The following PRSS12 variants were observed in gnomAD, a reference collection of about 807,000 sequenced individuals.
The protein encoded by PRSS12 is serine protease 12.
In PRSS12, 85 loss-of-function variants were observed where a neutral mutation model predicts 104.4. That is an observed-to-expected ratio of 0.81 (90% CI 0.68 to 0.98). The LOEUF is 0.98. PRSS12 is among the 50% of genes least tolerant of loss of function. The pLI is 0.00. For synonymous variants in PRSS12, 454 were observed against 425.2 expected, an observed-to-expected ratio of 1.07 and a Z score of -0.83; for missense variants, 1,141 against 1,139.2, an observed-to-expected ratio of 1.00 and a Z score of -0.02.
In PRSS12 at chr4:118,282,908, G is replaced by A; in HGVS notation, c.2243C>T (p.Pro748Leu). 1 of 1,614,192 alleles carries A rather than the reference G, an allele frequency of 6.2e-7. No individual in the cohort carries two copies. The highest frequency in any genetic ancestry group is 8.5e-7 in the Non-Finnish European group (1 of 1,180,044). The change falls in exon 12 of 13, where the codon CCA becomes CTA. Residue 748 changes from proline (P) to leucine (L), a missense_variant. Pro to Leu is a moderately conservative substitution (Grantham distance 98). Transcript: ENST00000296498. ...QCARFSSHVL[P>L]ACLPLWRERP... The stretch of plus-strand genomic sequence containing the variant: ...CTCTCTCCAGAGTGGTAAACAGGCT[G>A]GCAAAACATGGCTGCTGAATCTGGC...
intron 3 of PRSS12, 142 bp from the exon 4 acceptor site, chr4:118,332,008 T>C (rs1349213769): frequency 4.1e-6 from 4 of 969,014 alleles, no homozygotes; most frequent in East Asian, 2.7e-5. Context: ...CATACGTATA[T>C]ATATCTAATA....
At chr4:118,306,741 A>G (rs1743564337) in intron 8 of PRSS12, among the ~76,000 whole-genome samples, 2 of 152,204 alleles carry the variant, frequency 1.3e-5, no homozygotes, top group Non-Finnish European at 2.9e-5. Flanking sequence ...AACTATATCA[A>G]TGATGATAAA....
At chr4:118,293,408 A>C (rs990874099) in intron 11 of PRSS12, among the ~76,000 whole-genome samples, 6 of 152,148 alleles carry the variant, frequency 3.9e-5, no homozygotes, top group Non-Finnish European at 8.8e-5. Flanking sequence ...AAGAAATACA[A>C]AGCTTTTGTA....
At chr4:118,286,375 G>A (rs145001764) in intron 11 of PRSS12, among the ~76,000 whole-genome samples, 3,113 of 152,252 alleles carry the variant, frequency 0.02, 40 homozygotes, top group South Asian at 0.034. Flanking sequence ...TCCAAACTAT[G>A]TGCAATGTTG....
intron 5 of PRSS12, 102 bp from the exon 6 acceptor site, chr4:118,316,425 C>T (rs1723414887): frequency 7.0e-7 from 1 of 1,425,834 alleles, no homozygotes; most frequent in Admixed American, 1.8e-5. Context: ...TCAGGCCTCA[C>T]TCTAGGCCTT....
chr4:118,352,263 T>C lies in PRSS12; in HGVS notation c.458A>G (p.Asp153Gly), dbSNP rs780510974. 2 of 1,611,386 alleles carry C rather than the reference T, an allele frequency of 1.2e-6. No individual in the cohort carries two copies. The highest frequency in any genetic ancestry group is 2.2e-5 in the South Asian group (2 of 90,714). ...GCCCCAGTCCACCTTGCCACGGGCG[T>C]CTCCGTAGAAACACCAGGGTCTGCC... The part of the protein sequence containing the change: ...GAGRPWCFYG[D>G]ARGKVDWGYC... The change falls in exon 1 of 13, where the codon GAC becomes GGC. Residue 153 changes from aspartate to glycine, a missense_variant. Physicochemically the swap from Asp to Gly is moderately conservative, Grantham distance 94. Transcript: ENST00000296498.
chr4:118,328,255 T>C (rs1322544390), intron 4 of PRSS12, among the ~76,000 whole-genome samples: 1 of 152,252 alleles, frequency 6.6e-6, no homozygotes, highest in East Asian at 1.9e-4. Flanking sequence ...GCTCAGAGCA[T>C]CAGAGTACTT....
At chr4:118,284,141 A>G (rs1190606443) in intron 11 of PRSS12, among the ~76,000 whole-genome samples, 1 of 152,130 alleles carries the variant, frequency 6.6e-6, no homozygotes, top group Non-Finnish European at 1.5e-5. Flanking sequence ...CCAGGTAATT[A>G]TCTGTTGTGA....
Position 118,290,121 on chromosome 4 carries a change from G to T in PRSS12, c.2039+4818C>A, listed in dbSNP as rs550789518. On this transcript the variant is annotated intron_variant, in intron 11 of 12. Coordinates refer to ENST00000296498, the MANE Select transcript of PRSS12 (RefSeq NM_003619.4). ...CCAAGTCATACAGTAGACACTTGGTGTATAAACACAAATGAGAAATGAGAC... is the reference window on the plus strand; with the variant it reads ...CCAAGTCATACAGTAGACACTTGGTTTATAAACACAAATGAGAAATGAGAC... Among the ~76,000 whole-genome samples, 5 of 152,258 alleles carry T rather than the reference G, an allele frequency of 3.3e-5. No individual in the cohort carries two copies. In the South Asian group the frequency reaches 1.0e-3, roughly 32 times the overall value.
At chr4:118,324,966 C>T (rs1723731377) in intron 4 of PRSS12, among the ~76,000 whole-genome samples, 1 of 152,068 alleles carries the variant, frequency 6.6e-6, no homozygotes. Flanking sequence ...GCCTCAGCCT[C>T]CCAAAGGATT....
At chr4:118,340,896 G>A (rs1724189500) in intron 1 of PRSS12, among the ~76,000 whole-genome samples, 1 of 152,230 alleles carries the variant, frequency 6.6e-6, no homozygotes, top group Non-Finnish European at 1.5e-5. Flanking sequence ...GGGAAACCCA[G>A]TAAGGCTTAT....
In PRSS12 at chr4:118,282,865, T is replaced by C. The variant is rs1340164897; in HGVS notation, c.2286A>G (p.Ala762=). 6.2e-7 allele frequency: 1 copy of C among 1,614,218 alleles called. No homozygotes were observed. Residue 762 remains alanine (A), a synonymous_variant, in exon 12 of 13, where the codon GCA becomes GCG. Coordinates refer to ENST00000296498, the MANE Select transcript of PRSS12 (RefSeq NM_003619.4). ...CCCATCCTGTTATGTAACAGTTGGA[T>C]GCTGTTTTCTGTGGCCTCTCTCTCC... ...PLWRERPQKT[A]SNCYITGWGD...
chr4:118,304,688 C>A (rs1743496312), intron 8 of PRSS12, among the ~76,000 whole-genome samples: 1 of 152,018 alleles, frequency 6.6e-6, no homozygotes, highest in African/African-American at 2.4e-5. Context: ...GATCTCAACA[C>A]ATTCTCTATC....
intron 4 of PRSS12, among the ~76,000 whole-genome samples, chr4:118,322,820 A>C (rs1723669563): frequency 2.0e-5 from 3 of 151,950 alleles, no homozygotes; most frequent in Admixed American, 1.3e-4. Flanking sequence ...CCTAGAGGAG[A>C]GGTCAGCAAA....
intron 2 of PRSS12, among the ~76,000 whole-genome samples, chr4:118,336,042 C>T (rs1724056940): frequency 6.6e-6 from 1 of 152,140 alleles, no homozygotes; most frequent in Non-Finnish European, 1.5e-5. Context: ...GCAAGTAACT[C>T]GAAGGCTTTG....
rs200327301 is a variant in PRSS12 at position 118,299,808 on chromosome 4, TAAATAAAATA to T, written c.1632-880_1632-871del. ...ATAAAATAAAATAAATAAAATAAAA[TAAATAAAATA>T]AAATAAAATAAAATAAAATAAAATA... On this transcript the variant is annotated intron_variant, in intron 8 of 12. Transcript: ENST00000296498. Among the ~76,000 whole-genome samples, 531 of 91,586 alleles carry T rather than the reference TAAATAAAATA, an allele frequency of 5.8e-3. 12 individuals carry two copies. The East Asian group carries it at 0.083, about 14-fold the overall frequency. The allele number at this position is 91,586 out of a possible 152,430, so 60.1% of individuals were successfully genotyped here. A position where few individuals can be genotyped will look rare whatever the true frequency, so the allele number is the denominator to read the frequency against.
At chr4:118,294,687 G>C (rs1178488853) in intron 11 of PRSS12, among the ~76,000 whole-genome samples, 1 of 151,940 alleles carries the variant, frequency 6.6e-6, no homozygotes, top group Non-Finnish European at 1.5e-5. Flanking sequence ...TGACATTGCT[G>C]CCTCCTCTCC....
At chr4:118,328,736 A>T (rs1723844683) in intron 4 of PRSS12, among the ~76,000 whole-genome samples, 1 of 152,104 alleles carries the variant, frequency 6.6e-6, no homozygotes, top group South Asian at 2.1e-4. Flanking sequence ...TAATTTTCCC[A>T]CTTCAGCCTT....
intron 11 of PRSS12, among the ~76,000 whole-genome samples, chr4:118,290,665 AT>A (rs1440164020): frequency 6.6e-6 from 1 of 152,116 alleles, no homozygotes; most frequent in African/African-American, 2.4e-5. Context: ...CATTTTACAG[AT>A]GTAAAATGAC....
Sources: gnomAD v4.1 joint callset for allele counts (sites outside exome capture counted in the v4.1 genomes callset) on GRCh38, gnomAD v4.1.1 for gene constraint, MANE v1.5 for transcripts, NCBI Gene and HGNC (gene_info 2026-07-23, HGNC 2026-07-21) for gene names.